The following ASCC3 variants were observed in gnomAD, a reference collection of about 807,000 sequenced individuals.
The protein encoded by ASCC3 is activating signal cointegrator 1 complex subunit 3.
ASCC3 carries 158 observed loss-of-function variants against 256.3 expected under a neutral mutation model. That is an observed-to-expected ratio of 0.62 (90% confidence interval 0.54 to 0.70). The LOEUF is 0.70. ASCC3 is among the 30% of genes least tolerant of loss of function. The probability of loss-of-function intolerance (pLI) is 0.00; values close to 1 mark genes in which losing one functional copy is unlikely to be tolerated. For synonymous variants in ASCC3, 948 were observed against 883.4 expected, an observed-to-expected ratio of 1.07 and a Z score of -1.30; for missense variants, 2,259 against 2,626.0, an observed-to-expected ratio of 0.86 and a Z score of 3.05.
intron 23 of ASCC3, among the ~76,000 whole-genome samples, chr6:100,643,215 G>C (rs1562192792): frequency 6.6e-6 from 1 of 152,102 alleles, no homozygotes; most frequent in African/African-American, 2.4e-5. Context: ...AAATTCTACT[G>C]TTGCCTACCC....
chr6:100,640,156 G>A (rs542034405), intron 24 of ASCC3, among the ~76,000 whole-genome samples: 2 of 152,110 alleles, frequency 1.3e-5, no homozygotes, highest in Non-Finnish European at 2.9e-5. Context: ...GAGAAGGAAG[G>A]AGGGGAGGCA....
At chr6:100,784,518 G>A (rs1054655491) in intron 8 of ASCC3, among the ~76,000 whole-genome samples, 3 of 151,988 alleles carry the variant, frequency 2.0e-5, no homozygotes, top group Non-Finnish European at 4.4e-5. Context: ...GGGTATTGGA[G>A]TAAGTAATTC....
intron 10 of ASCC3, among the ~76,000 whole-genome samples, chr6:100,758,261 T>G (rs539852647): frequency 6.6e-6 from 1 of 152,322 alleles, no homozygotes; most frequent in Non-Finnish European, 1.5e-5. Context: ...TGTATTTTAC[T>G]TTAAGTTCAG....
intron 8 of ASCC3, among the ~76,000 whole-genome samples, chr6:100,781,821 T>A (rs992378013): frequency 6.6e-6 from 1 of 152,056 alleles, no homozygotes; most frequent in African/African-American, 2.4e-5. Context: ...ATTTCCCACA[T>A]TAAGAATACA....
chr6:100,661,956 A>C lies in ASCC3; in HGVS notation c.2553T>G (p.Gly851=). The change falls in exon 16 of 42, where the codon GGT becomes GGG. Residue 851 remains glycine, a synonymous_variant. Transcript: ENST00000369162. ...LGILDVMQIF[G]RAGRPQFDKF... ...TGTCAAATTGTGGTCGTCCAGCTCG[A>C]CCAAATATCTGCATGACATCTAAAA... 1 of 1,613,406 alleles carries C rather than the reference A, an allele frequency of 6.2e-7. No homozygotes were observed. The highest frequency in any genetic ancestry group is 8.5e-7 in the Non-Finnish European group (1 of 1,179,504).
Position 100,848,403 on chromosome 6 carries a change from C to T in ASCC3, c.546G>A (p.Leu182=). 6.2e-7 allele frequency: 1 copy of T among 1,613,424 alleles called. No individual in the cohort carries two copies. Among genetic ancestry groups the T allele is most frequent in the Non-Finnish European group, 8.5e-7 (1 of 1,179,916 alleles). ...TTTTCTGAGTTTCACCATTTATTGG[C>T]AGTTCGTCAAAGTGGTCCAAATCAT... The part of the protein sequence containing the change: ...DMHDLDHFDE[L]PINGETQKTI... Residue 182 remains leucine, a synonymous_variant, in exon 4 of 42, where the codon CTG becomes CTA. Transcript: ENST00000369162.
In ASCC3 at chr6:100,642,727, A is replaced by G. The variant is rs944201807; in HGVS notation, c.3755T>C (p.Leu1252Pro). The change falls in exon 24 of 42, where the codon CTA becomes CCA. Residue 1252 changes from leucine (L) to proline (P), a missense_variant. Physicochemically the swap from Leu to Pro is moderately conservative, Grantham distance 98. Around this residue, in one of 2 missense-constraint regions of ASCC3, gnomAD observed 1,839 missense variants for 2,206.7 expected, o/e 0.83. Transcript: ENST00000369162. ...KKQVISKEAQLLVFTIPIFEP... is the reference protein window; with the variant it reads ...KKQVISKEAQPLVFTIPIFEP... ...AAAAATAGGGATTGTAAATACCAGT[A>G]GTTGGGCTTCTTTACTAATGACCTA... The G allele has an allele frequency of 1.9e-6, 3 of 1,613,670 alleles. No homozygotes were observed. Among genetic ancestry groups the G allele is most frequent in the Non-Finnish European group, 2.5e-6 (3 of 1,179,646 alleles).
intron 14 of ASCC3, among the ~76,000 whole-genome samples, chr6:100,676,758 A>ACT (rs1296777538): frequency 9.7e-6 from 1 of 103,078 alleles, no homozygotes; most frequent in African/African-American, 3.8e-5. Context: ...GCGCACACAC[A>ACT]CACTCACACA....
chr6:100,726,335 A>C (rs1411808051), intron 10 of ASCC3, among the ~76,000 whole-genome samples: 3 of 152,006 alleles, frequency 2.0e-5, no homozygotes, highest in Non-Finnish European at 4.4e-5. Context: ...AGAGGTACAA[A>C]GTAGATTATT....
chr6:100,690,761 C>T (rs1319035955), intron 13 of ASCC3, among the ~76,000 whole-genome samples: 1 of 152,058 alleles, frequency 6.6e-6, no homozygotes, highest in East Asian at 1.9e-4. Flanking sequence ...GAAAGTAATC[C>T]ACAATAGTGA....
intron 34 of ASCC3, among the ~76,000 whole-genome samples, chr6:100,590,517 A>G (rs994532572): frequency 6.6e-6 from 1 of 152,046 alleles, no homozygotes; most frequent in Admixed American, 6.6e-5. Context: ...TACACCCATA[A>G]TCTTGGCAGT....
rs557016052 is a variant in ASCC3 at position 100,509,346 on chromosome 6, A to G, written c.*40T>C. On this transcript the variant is annotated 3_prime_UTR_variant, in exon 42 of 42. Coordinates refer to ENST00000369162, the MANE Select transcript of ASCC3 (RefSeq NM_006828.4). ...TTGTCTAGATGACTGAACAGAGAGA[A>G]TTCTTAGCCACTCCTTTCAAATGGA... 59 of 1,612,460 alleles carry G rather than the reference A, an allele frequency of 3.7e-5. No homozygotes were observed. The highest frequency in any genetic ancestry group is 5.0e-5 in the Non-Finnish European group (59 of 1,178,626).
At chr6:100,670,782 TAAATGCATGTAGTACATGACAGATAA>T in intron 14 of ASCC3, among the ~76,000 whole-genome samples, 1 of 151,958 alleles carries the variant, frequency 6.6e-6, no homozygotes. Context: ...ATCAAAATTT[TAAATGCATGTAGTACATGACAGATAA>T]ATTTCACTGC....
At chr6:100,835,710 C>T (rs1458252560) in intron 4 of ASCC3, among the ~76,000 whole-genome samples, 1 of 152,070 alleles carries the variant, frequency 6.6e-6, no homozygotes, top group African/African-American at 2.4e-5. Context: ...AGTGTGATGC[C>T]TCAAGATTAC....
intron 11 of ASCC3, among the ~76,000 whole-genome samples, chr6:100,718,838 A>C (rs1403908137): frequency 1.3e-5 from 2 of 152,164 alleles, no homozygotes; most frequent in Non-Finnish European, 2.9e-5. Context: ...GTAAATTCCA[A>C]AAACTAAAAA....
chr6:100,821,170 G>A (rs760286840), intron 4 of ASCC3, among the ~76,000 whole-genome samples: 10 of 152,054 alleles, frequency 6.6e-5, no homozygotes, highest in Non-Finnish European at 1.0e-4. Flanking sequence ...AGGTGCAAAC[G>A]AACACACTCA....
At chr6:100,823,818 G>C (rs976962105) in intron 4 of ASCC3, among the ~76,000 whole-genome samples, 12 of 151,986 alleles carry the variant, frequency 7.9e-5, no homozygotes, top group East Asian at 5.8e-4. Flanking sequence ...ATGCAGCTTT[G>C]AATCTCTCAA....
intron 13 of ASCC3, among the ~76,000 whole-genome samples, chr6:100,705,483 TG>T (rs1196317859): frequency 1.3e-5 from 2 of 152,070 alleles, no homozygotes; most frequent in Non-Finnish European, 2.9e-5. Flanking sequence ...ATAGTTCTTT[TG>T]TTTTCGAATG....
At chr6:100,516,068 C>T (rs368631644) in intron 39 of ASCC3, 112 bp downstream of exon 39, 1 of 1,281,146 alleles carries the variant, frequency 7.8e-7, no homozygotes, top group Non-Finnish European at 1.1e-6. Context: ...ATGGCAGAGA[C>T]AATTTAACTC....
Sources: allele counts gnomAD v4.1 joint callset (sites outside exome capture counted in the v4.1 genomes callset), GRCh38; gene constraint gnomAD v4.1.1; regional missense constraint gnomAD v4.1.1; transcripts MANE v1.5; gene names NCBI Gene and HGNC (gene_info 2026-07-23, HGNC 2026-07-21).